Variants in CTNNA2 observed in about 807,000 individuals in gnomAD.
CTNNA2 encodes the protein catenin alpha-2.
A neutral mutation model predicts 101.0 loss-of-function variants in CTNNA2; 42 were observed. The observed-to-expected ratio is 0.42, with a 90% CI of 0.32 to 0.54. The LOEUF (loss-of-function observed/expected upper bound fraction) is 0.54, where lower values mean the gene tolerates loss of function less well. Ranked by LOEUF, CTNNA2 falls within the 20% of genes least tolerant of loss-of-function variation. CTNNA2 has a pLI of 0.14. For synonymous variants in CTNNA2, 450 were observed against 456.4 expected (o/e 0.99, Z 0.18); for missense variants, 871 against 1,223.1 (o/e 0.71, Z 4.29).
chr2:80,636,479 CAAG>C (rs916225795), intron 18 of CTNNA2, among the ~76,000 whole-genome samples: 2 of 152,032 alleles, frequency 1.3e-5, no homozygotes, highest in African/African-American at 2.4e-5. Flanking sequence ...CACTTCCAAA[CAAG>C]AAGGGGGCTC....
At chr2:79,876,589 T>A (rs567171231) in intron 6 of CTNNA2, among the ~76,000 whole-genome samples, 1 of 152,248 alleles carries the variant, frequency 6.6e-6, no homozygotes, top group South Asian at 2.1e-4. Context: ...CTGTGAACAG[T>A]CCAGGAACTT....
chr2:79,802,146 T>C (rs1176277404), intron 3 of CTNNA2, among the ~76,000 whole-genome samples: 1 of 152,112 alleles, frequency 6.6e-6, no homozygotes, highest in African/African-American at 2.4e-5. Flanking sequence ...TTGCATAGAT[T>C]GGTGCCACCA....
In CTNNA2 at chr2:80,599,853, C is replaced by G. The variant is rs141902755; in HGVS notation, c.2190-4221C>G. Among the ~76,000 whole-genome samples, 1,058 of 151,798 alleles carry G rather than the reference C, an allele frequency of 7.0e-3. 9 individuals carry two copies. The highest frequency in any genetic ancestry group is 0.019 in the Admixed American group (286 of 15,232). On this transcript the variant is annotated intron_variant, in intron 15 of 18. Coordinates refer to ENST00000402739, the MANE Select transcript of CTNNA2 (RefSeq NM_001282597.3). The stretch of plus-strand genomic sequence containing the variant: ...ATTAGTTACATATGTATACATGTGC[C>G]ATGCTGGTGTGCTGCACCCATTAAC...
intron 7 of CTNNA2, among the ~76,000 whole-genome samples, chr2:80,200,373 A>G (rs1438833574): frequency 6.6e-6 from 1 of 152,174 alleles, no homozygotes; most frequent in African/African-American, 2.4e-5. Flanking sequence ...TTTCTAAATC[A>G]GTGGCCTTCC....
chr2:79,586,804 C>T (rs1384636901), intron 1 of CTNNA2, among the ~76,000 whole-genome samples: 1 of 152,100 alleles, frequency 6.6e-6, no homozygotes, highest in Non-Finnish European at 1.5e-5. Context: ...AATATGTCGT[C>T]TTTTATCCCT....
At position 79,554,089 on chromosome 2, in the gene CTNNA2, A is replaced by T. The variant is rs181483495; in HGVS notation, c.-6+40882A>T. Among the ~76,000 whole-genome samples, 5 of 152,282 alleles carry T rather than the reference A, an allele frequency of 3.3e-5. No individual in the cohort carries two copies. The East Asian group carries it at 9.7e-4, about 29-fold the overall frequency. On this transcript the variant is annotated intron_variant, in intron 1 of 18. Coordinates refer to ENST00000402739, the MANE Select transcript of CTNNA2 (RefSeq NM_001282597.3). ...ATCTGATCTGCTGTATCATTCTTGC[A>T]TGCAATGACCTGTGAATGTAAAGCT...
At chr2:79,716,585 T>C (rs1030327776) in intron 2 of CTNNA2, among the ~76,000 whole-genome samples, 1 of 152,214 alleles carries the variant, frequency 6.6e-6, no homozygotes, top group Non-Finnish European at 1.5e-5. Flanking sequence ...TGCATTAGTT[T>C]GCTGAGGTTA....
chr2:79,831,709 C>T (rs984046772), intron 3 of CTNNA2, among the ~76,000 whole-genome samples: 1 of 148,394 alleles, frequency 6.7e-6, no homozygotes, highest in East Asian at 2.0e-4. Context: ...TAGATGGATT[C>T]TTTTGTTCTC....
Position 79,240,902 on chromosome 2 carries a change from ATCT to A in CTNNA2, c.-406+42831_-406+42833del, listed in dbSNP as rs1401123806. Among the ~76,000 whole-genome samples, 9 of 152,248 alleles carry A rather than the reference ATCT, an allele frequency of 5.9e-5. No homozygotes were observed. In the South Asian group the frequency reaches 1.2e-3, roughly 21 times the overall value. On this transcript the variant is annotated intron_variant, in intron 2 of 21. Coordinates refer to the CTNNA2 transcript ENST00000466387. ...CCTATACTTTATTTCTCCCCTGGTC[ATCT>A]TCTTTGGGGACCCTGCCTCTGCTGT...
chr2:79,392,228 T>C (rs2104473016), intron 4 of CTNNA2, among the ~76,000 whole-genome samples: 1 of 152,312 alleles, frequency 6.6e-6, no homozygotes, highest in South Asian at 2.1e-4. Context: ...CACACTTCAG[T>C]ATGACTGAGA....
chr2:79,842,319 C>A (rs1216970366), intron 3 of CTNNA2, among the ~76,000 whole-genome samples: 2 of 152,162 alleles, frequency 1.3e-5, no homozygotes, highest in Non-Finnish European at 2.9e-5. Flanking sequence ...GCAAAACTAG[C>A]CTTTCTGTGC....
intron 7 of CTNNA2, among the ~76,000 whole-genome samples, chr2:80,325,024 C>G (rs116644535): frequency 6.6e-6 from 1 of 152,192 alleles, no homozygotes; most frequent in African/African-American, 2.4e-5. Flanking sequence ...ATTTCTCTCT[C>G]TTCCCCACTA....
intron 7 of CTNNA2, among the ~76,000 whole-genome samples, chr2:80,371,613 G>A (rs1675449783): frequency 6.6e-6 from 1 of 151,632 alleles, no homozygotes; most frequent in Non-Finnish European, 1.5e-5. Flanking sequence ...CAATAAACAG[G>A]TGAAGAGAGA....
intron 7 of CTNNA2, among the ~76,000 whole-genome samples, chr2:80,026,560 T>C (rs10198883): frequency 0.05 from 7,650 of 152,230 alleles, 535 homozygotes; most frequent in African/African-American, 0.15. Flanking sequence ...CTACTCTAGA[T>C]GAATCAGACA....
At chr2:80,023,346 C>A (rs185775685) in intron 7 of CTNNA2, among the ~76,000 whole-genome samples, 30 of 152,172 alleles carry the variant, frequency 2.0e-4, no homozygotes, top group Admixed American at 7.2e-4. Flanking sequence ...CTAAAATGTT[C>A]TTTTTCTGTT....
chr2:80,189,755 AAAAC>A (rs1251933763), intron 7 of CTNNA2, among the ~76,000 whole-genome samples: 1 of 151,990 alleles, frequency 6.6e-6, no homozygotes, highest in African/African-American at 2.4e-5. Context: ...AGTTAAAAAA[AAAAC>A]AAAACAAAAA....
chr2:79,331,944 G>A (rs1676882792), intron 3 of CTNNA2, among the ~76,000 whole-genome samples: 1 of 152,134 alleles, frequency 6.6e-6, no homozygotes, highest in Non-Finnish European at 1.5e-5. Context: ...AGTCATAATG[G>A]AACAGCAGAT....
chr2:79,281,055 C>A (rs758344088), intron 2 of CTNNA2, among the ~76,000 whole-genome samples: 1 of 152,102 alleles, frequency 6.6e-6, no homozygotes, highest in African/African-American at 2.4e-5. Flanking sequence ...CCCCCCACAT[C>A]CTTATGGGGC....
chr2:79,975,785 A>C (rs1558691225), intron 7 of CTNNA2, among the ~76,000 whole-genome samples: 2 of 152,190 alleles, frequency 1.3e-5, no homozygotes, highest in Non-Finnish European at 2.9e-5. Context: ...TGGAGCTCCT[A>C]TGCCCTCTGT....
Sources: gnomAD v4.1 joint callset for allele counts (sites outside exome capture counted in the v4.1 genomes callset) on GRCh38, gnomAD v4.1.1 for gene constraint, MANE v1.5 for transcripts, NCBI Gene and HGNC (gene_info 2026-07-23, HGNC 2026-07-21) for gene names.